Variants in TNRC6B observed in about 807,000 individuals in gnomAD.
TNRC6B encodes the protein trinucleotide repeat containing adaptor 6B.
A neutral mutation model predicts 203.6 loss-of-function variants in TNRC6B; 52 were observed. The observed-to-expected ratio is 0.26, with a 90% CI of 0.20 to 0.32. The LOEUF (loss-of-function observed/expected upper bound fraction) is 0.32. Ranked by LOEUF, TNRC6B falls within the 10% of genes least tolerant of loss-of-function variation. The pLI, the probability that TNRC6B is intolerant of heterozygous loss-of-function variation, is 1.00. For missense variants in TNRC6B, 1,923 were observed against 2,286.2 expected, an observed-to-expected ratio of 0.84 and a Z score of 3.24; for synonymous variants, 838 against 845.7, an observed-to-expected ratio of 0.99 and a Z score of 0.16.
intron 1 of TNRC6B, among the ~76,000 whole-genome samples, chr22:40,178,844 C>T (rs1434628213): frequency 6.6e-6 from 1 of 152,070 alleles, no homozygotes; most frequent in East Asian, 1.9e-4. Context: ...TTATTTTGAT[C>T]CTGGATTCAA....
At chr22:40,237,362 A>G (rs1355966784) in intron 1 of TNRC6B, among the ~76,000 whole-genome samples, 1 of 152,160 alleles carries the variant, frequency 6.6e-6, no homozygotes, top group East Asian at 1.9e-4. Context: ...AGGACTATTT[A>G]AAAAGTGGAA....
chr22:40,277,941 T>A, intron 8 of TNRC6B, 58 bp from the exon 9 acceptor site: 4 of 1,336,094 alleles, frequency 3.0e-6, no homozygotes, highest in Non-Finnish European at 4.2e-6. Context: ...ATAATGCCAC[T>A]TCTTTGATTC....
chr22:40,063,542 A>G lies in TNRC6B; in HGVS notation c.-121+18544A>G, dbSNP rs577089334. On this transcript the variant is annotated intron_variant, in intron 1 of 23. Transcript: ENST00000301923. ...ATTTAAACAAAATGTTGCTCTATGA[A>G]CATTTGCTGCTTTTCCATTTATTCA... 7.9e-5 allele frequency among the ~76,000 whole-genome samples: 12 copies of G among 152,292 alleles called. No individual in the cohort carries two copies. The South Asian group carries it at 2.5e-3, about 32-fold the overall frequency.
intron 1 of TNRC6B, among the ~76,000 whole-genome samples, chr22:40,080,004 C>T (rs2068051876): frequency 6.6e-6 from 1 of 151,882 alleles, no homozygotes; most frequent in Non-Finnish European, 1.5e-5. Context: ...ACTGTGTTAG[C>T]CAGGATGGTC....
intron 1 of TNRC6B, among the ~76,000 whole-genome samples, chr22:40,194,757 CCCACCAATAGAGAAGAAAAG>C (rs1460220384): frequency 6.6e-6 from 1 of 152,214 alleles, no homozygotes; most frequent in Non-Finnish European, 1.5e-5. Context: ...TTGTCCTCCC[CCCACCAATAGAGAAGAAAAG>C]CCAGAGTGGC....
At chr22:40,138,061 A>G (rs1429374495) in intron 3 of TNRC6B, among the ~76,000 whole-genome samples, 1 of 152,040 alleles carries the variant, frequency 6.6e-6, no homozygotes, top group Non-Finnish European at 1.5e-5. Flanking sequence ...GAGACACGGA[A>G]ACCAGTTAGG....
At chr22:40,079,983 G>A (rs190108419) in intron 1 of TNRC6B, among the ~76,000 whole-genome samples, 15 of 152,082 alleles carry the variant, frequency 9.9e-5, no homozygotes, top group African/African-American at 3.4e-4. Flanking sequence ...TTTTAGTAGA[G>A]ATGGGGTTTC....
At chr22:40,268,678 G>C (rs186795852) in intron 5 of TNRC6B, among the ~76,000 whole-genome samples, 1 of 151,938 alleles carries the variant, frequency 6.6e-6, no homozygotes, top group African/African-American at 2.4e-5. Flanking sequence ...TTGGGAGGCC[G>C]AGGCGGACAG....
At chr22:40,163,456 CAAAAA>C (rs1180212519) in intron 4 of TNRC6B, among the ~76,000 whole-genome samples, 3 of 6,996 alleles carry the variant, frequency 4.3e-4, no homozygotes, top group African/African-American at 3.7e-3. Flanking sequence ...GACCCTGTCT[CAAAAA>C]AAAAAAAAAA....
chr22:40,177,444 G>A (rs1014788957), upstream of TNRC6B, among the ~76,000 whole-genome samples: 3 of 152,160 alleles, frequency 2.0e-5, no homozygotes, highest in African/African-American at 7.2e-5. Context: ...ACTTTTGTGC[G>A]TTTCTTTCAG....
rs2007307813 is a variant in TNRC6B, at chr22:40,335,105, A to C, written c.*11864A>C. ...TTCTCTCTTTGATGGGCAATAGAGG[A>C]AGTAGATAATGGGATTTAAGGACGC... On this transcript the variant is annotated 3_prime_UTR_variant, in exon 23 of 23. Transcript: ENST00000454349. 2 of 149,474 alleles carry C rather than the reference A, an allele frequency of 1.3e-5. No homozygotes were observed. The highest frequency in any genetic ancestry group is 4.0e-4 in the East Asian group (2 of 4,982). The allele number at this position is 149,474 out of a possible 1,614,324, so 9.3% of individuals were successfully genotyped here. A position where few individuals can be genotyped will look rare whatever the true frequency, so the allele number is the denominator to read the frequency against.
At chr22:40,210,031 A>G (rs944949342) in intron 1 of TNRC6B, among the ~76,000 whole-genome samples, 2 of 150,702 alleles carry the variant, frequency 1.3e-5, no homozygotes, top group Non-Finnish European at 3.0e-5. Flanking sequence ...AAAAAAAAAA[A>G]AGAGAGAATG....
chr22:40,047,754 C>G (rs145315804), intron 1 of TNRC6B, among the ~76,000 whole-genome samples: 2 of 152,048 alleles, frequency 1.3e-5, no homozygotes, highest in Non-Finnish European at 2.9e-5. Context: ...CTTTCAGAGC[C>G]CTTTGTGCAG....
At chr22:40,206,547 A>T (rs1447955771) in intron 1 of TNRC6B, among the ~76,000 whole-genome samples, 2 of 152,242 alleles carry the variant, frequency 1.3e-5, no homozygotes, top group African/African-American at 4.8e-5. Flanking sequence ...AGTAATTCCC[A>T]TAAAAACGCC....
chr22:40,062,079 T>C (rs2146272396), intron 1 of TNRC6B, among the ~76,000 whole-genome samples: 1 of 152,170 alleles, frequency 6.6e-6, no homozygotes, highest in East Asian at 1.9e-4. Context: ...GTCTCAAAAA[T>C]AAAAAGAAAA....
At chr22:40,049,726 C>A (rs1049170648) in intron 1 of TNRC6B, among the ~76,000 whole-genome samples, 2 of 152,122 alleles carry the variant, frequency 1.3e-5, no homozygotes, top group Non-Finnish European at 2.9e-5. Flanking sequence ...GCCTTAGCCT[C>A]CCAAGTAGCT....
chr22:40,175,628 A>G (rs146674930), upstream of TNRC6B, among the ~76,000 whole-genome samples: 3 of 152,362 alleles, frequency 2.0e-5, no homozygotes, highest in Non-Finnish European at 2.9e-5. Context: ...GCCAGCTACA[A>G]GCAAGTAGGC....
At chr22:40,073,287 C>T (rs750921175) in intron 1 of TNRC6B, among the ~76,000 whole-genome samples, 7 of 151,754 alleles carry the variant, frequency 4.6e-5, no homozygotes, top group Non-Finnish European at 8.8e-5. Context: ...ATATAGAACA[C>T]GTTTTTTGTT....
At chr22:40,320,799 T>C (rs2071324719) in intron 21 of TNRC6B, among the ~76,000 whole-genome samples, 1 of 152,234 alleles carries the variant, frequency 6.6e-6, no homozygotes, top group South Asian at 2.1e-4. Flanking sequence ...GTCTGTGTCT[T>C]TCTCTTTACA....
Sources: allele counts gnomAD v4.1 joint callset (sites outside exome capture counted in the v4.1 genomes callset), GRCh38; gene constraint gnomAD v4.1.1; transcripts MANE v1.5; gene names NCBI Gene and HGNC (gene_info 2026-07-23, HGNC 2026-07-21).